Variants in EXOSC6 observed in about 807,000 individuals in gnomAD.
EXOSC6 encodes exosome complex component MTR3.
A neutral mutation model predicts 16.7 loss-of-function variants in EXOSC6; 21 were observed. The observed-to-expected ratio is 1.26, with a 90% CI of 0.89 to 1.82. The LOEUF is 1.82. EXOSC6 is among the 40% of genes most tolerant of loss of function. The pLI, the probability that EXOSC6 is intolerant of heterozygous loss-of-function variation, is 0.00. For missense variants in EXOSC6, 538 were observed against 415.7 expected, an observed-to-expected ratio of 1.29 and a Z score of -2.56; for synonymous variants, 297 against 217.1, an observed-to-expected ratio of 1.37 and a Z score of -3.24.
chr16:70,247,035 G>A lies in EXOSC6; in HGVS notation c.*4047C>T. 1 of 435,922 alleles carries A rather than the reference G, an allele frequency of 2.3e-6. No homozygotes were observed. The highest frequency in any genetic ancestry group is 4.4e-6 in the Non-Finnish European group (1 of 228,750). 27.0% of individuals were successfully genotyped at this position (435,922 alleles called of 1,614,324 possible). A position where few individuals can be genotyped will look rare whatever the true frequency, so the allele number is the denominator to read the frequency against. On this transcript the variant is annotated 3_prime_UTR_variant, in exon 1 of 1. Transcript: ENST00000435634. ...ACAAGCAAATTAGGTTATTTACTAA[G>A]TGACTACATAAAAAACTGAGTATGA... is the stretch of plus-strand genomic sequence containing the variant.
rs1959796878 is a variant in EXOSC6 at position 70,250,825 on chromosome 16, A to T, written c.*257T>A. ...AGAAAGAAACCCTGTCTCTAAAAAA[A>T]AGGTCCAGGTAATTTCAGGGTCCAG... is the stretch of plus-strand genomic sequence containing the variant. On this transcript the variant is annotated 3_prime_UTR_variant, in exon 1 of 1. Coordinates refer to ENST00000435634, the MANE Select transcript of EXOSC6 (RefSeq NM_058219.3). The T allele has an allele frequency of 1.2e-5, 5 of 403,592 alleles. No individual in the cohort carries two copies. The South Asian group carries it at 5.0e-4, about 40-fold the overall frequency. The allele number at this position is 403,592 out of a possible 1,614,324, so 25.0% of individuals were successfully genotyped here. A position where few individuals can be genotyped will look rare whatever the true frequency, so the allele number is the denominator to read the frequency against.
At position 70,248,860 on chromosome 16, in the gene EXOSC6, C is replaced by A. The variant is rs1325854337; in HGVS notation, c.*2222G>T. The stretch of plus-strand genomic sequence containing the variant: ...CAAACTCCTGGACTCAGGCGATTCA[C>A]CAGCCTCAGCCTCCCACAGTGCTGG... On this transcript the variant is annotated 3_prime_UTR_variant, in exon 1 of 1. Coordinates refer to ENST00000435634, the MANE Select transcript of EXOSC6 (RefSeq NM_058219.3). The A allele has an allele frequency of 6.8e-6, 1 of 147,464 alleles. No individual in the cohort carries two copies. The highest frequency in any genetic ancestry group is 6.8e-5 in the Admixed American group (1 of 14,638). 9.1% of individuals were successfully genotyped at this position (147,464 alleles called of 1,614,324 possible). A position where few individuals can be genotyped will look rare whatever the true frequency, so the allele number is the denominator to read the frequency against.
chr16:70,249,038 A>G lies in EXOSC6; in HGVS notation c.*2044T>C, dbSNP rs1287199804. The stretch of plus-strand genomic sequence containing the variant: ...GTAAAAAAAAAAAAAAAAAACCCTA[A>G]TATCAGATATTCCAGACACAACAAT... On this transcript the variant is annotated 3_prime_UTR_variant, in exon 1 of 1. Transcript: ENST00000435634. 3.4e-5 allele frequency: 5 copies of G among 147,724 alleles called. 1 individual carries two copies. The highest frequency in any genetic ancestry group is 2.2e-4 in the South Asian group (1 of 4,604). 9.2% of individuals were successfully genotyped at this position (147,724 alleles called of 1,614,324 possible). A position where few individuals can be genotyped will look rare whatever the true frequency, so the allele number is the denominator to read the frequency against.
chr16:70,251,676 G>C lies in EXOSC6; in HGVS notation c.225C>G (p.Gly75=). The C allele has an allele frequency of 1.6e-6, 2 of 1,237,600 alleles. No homozygotes were observed. Among genetic ancestry groups the C allele is most frequent in the Non-Finnish European group, 2.0e-6 (2 of 993,458 alleles). 76.7% of individuals were successfully genotyped at this position (1,237,600 alleles called of 1,614,324 possible). Residue 75 remains glycine, a synonymous_variant, in exon 1 of 1, where the codon GGC becomes GGG. Coordinates refer to ENST00000435634, the MANE Select transcript of EXOSC6 (RefSeq NM_058219.3). ...CTCCGGCCGGGCCGCCGCCGCGCTCGCCGCCCTCGGCCTGTCGCGGGCCCG... is the reference window on the plus strand; with the variant it reads ...CTCCGGCCGGGCCGCCGCCGCGCTCCCCGCCCTCGGCCTGTCGCGGGCCCG... The part of the protein sequence containing the change: ...AVSGPRQAEG[G]ERGGGPAGAG...
chr16:70,251,906 T>A lies in EXOSC6; in HGVS notation c.-6A>T. On this transcript the variant is annotated 5_prime_UTR_variant, in exon 1 of 1. Coordinates refer to ENST00000435634, the MANE Select transcript of EXOSC6 (RefSeq NM_058219.3). Reference sequence around the variant, plus strand: ...CGGCGGTGATCCCCAGGCATGGCGGTTCTTGGCGTGCGAACCCCTTCCGCC... The same window carrying A: ...CGGCGGTGATCCCCAGGCATGGCGGATCTTGGCGTGCGAACCCCTTCCGCC... 6.6e-7 allele frequency: 1 copy of A among 1,517,628 alleles called. No individual in the cohort carries two copies. The highest frequency in any genetic ancestry group is 8.7e-7 in the Non-Finnish European group (1 of 1,143,256). 94.0% of individuals were successfully genotyped at this position (1,517,628 alleles called of 1,614,324 possible). A position where few individuals can be genotyped will look rare whatever the true frequency, so the allele number is the denominator to read the frequency against.
chr16:70,251,576 G>A lies in EXOSC6; in HGVS notation c.325C>T (p.Arg109Trp), dbSNP rs912737642. Residue 109 changes from arginine to tryptophan, a missense_variant, in exon 1 of 1, where the codon CGG (arginine) becomes TGG (tryptophan). Physicochemically the swap from Arg to Trp is moderately radical, Grantham distance 101. Transcript: ENST00000435634. ...DFRRAPFAGR[R>W]RRAPPGGCEE... ...CAGCCGCCCGGGGGAGCGCGGCGCC[G>A]GCGGCCCGCGAAGGGTGCGCGGCGG... 1.8e-6 allele frequency: 2 copies of A among 1,099,814 alleles called. No individual in the cohort carries two copies. The highest frequency in any genetic ancestry group is 5.8e-5 in the East Asian group (1 of 17,116). 68.1% of individuals were successfully genotyped at this position (1,099,814 alleles called of 1,614,324 possible).
At position 70,250,882 on chromosome 16, in the gene EXOSC6, G is replaced by C; in HGVS notation, c.*200C>G. The C allele has an allele frequency of 1.8e-6, 1 of 555,760 alleles. No homozygotes were observed. The highest frequency in any genetic ancestry group is 4.7e-5 in the South Asian group (1 of 21,074). The allele number at this position is 555,760 out of a possible 1,614,324, so 34.4% of individuals were successfully genotyped here. Reference sequence around the variant, plus strand: ...CACAAGCGCAGCTCCAGGGGCTGTTGAGTTTTGCCTTTATCATTCCAAGTA... The same window carrying C: ...CACAAGCGCAGCTCCAGGGGCTGTTCAGTTTTGCCTTTATCATTCCAAGTA... On this transcript the variant is annotated 3_prime_UTR_variant, in exon 1 of 1. Transcript: ENST00000435634.
chr16:70,251,772 G>A lies in EXOSC6; in HGVS notation c.129C>T (p.Ala43=), dbSNP rs956832401. Residue 43 remains alanine, a synonymous_variant, in exon 1 of 1, where the codon GCC becomes GCT. Coordinates refer to ENST00000435634, the MANE Select transcript of EXOSC6 (RefSeq NM_058219.3). The part of the protein sequence containing the change: ...PTRLRPVYAR[A]GLLSQAKGSA... ...AGCCCTTGGCCTGGCTCAGCAGCCC[G>A]GCGCGCGCGTACACGGGCCGTAGCC... 4.9e-6 allele frequency: 7 copies of A among 1,442,452 alleles called. No individual in the cohort carries two copies. The highest frequency in any genetic ancestry group is 2.8e-5 in the Admixed American group (1 of 35,256). 89.4% of individuals were successfully genotyped at this position (1,442,452 alleles called of 1,614,324 possible).
At position 70,251,509 on chromosome 16, in the gene EXOSC6, T is replaced by G; in HGVS notation, c.392A>C (p.Glu131Ala). The G allele has an allele frequency of 1.6e-6, 2 of 1,275,550 alleles. No homozygotes were observed. The highest frequency in any genetic ancestry group is 2.0e-6 in the Non-Finnish European group (2 of 1,008,356). The allele number at this position is 1,275,550 out of a possible 1,614,324, so 79.0% of individuals were successfully genotyped here. Residue 131 changes from glutamate (E) to alanine (A), a missense_variant, in exon 1 of 1, where the codon GAG (glutamate) becomes GCG (alanine). Physicochemically the swap from Glu to Ala is moderately radical, Grantham distance 107. Transcript: ENST00000435634. ...ELALALQEAL[E>A]PAVRLGRYPR... ...GTAGCGGCCCAGGCGCACAGCCGGC[T>G]CCAGCGCCTCCTGCAGCGCCAGCGC... is the stretch of plus-strand genomic sequence containing the variant.
rs1959803499 is a variant in EXOSC6, at chr16:70,251,077, C to T, written c.*5G>A. ...CTTGCGTCCGTAGTTGCTCAGGCTT[C>T]TGGTTCAGGGCTGGGCGGCGGCGCC... is the stretch of plus-strand genomic sequence containing the variant. On this transcript the variant is annotated 3_prime_UTR_variant, in exon 1 of 1. Coordinates refer to ENST00000435634, the MANE Select transcript of EXOSC6 (RefSeq NM_058219.3). 2 of 1,461,612 alleles carry T rather than the reference C, an allele frequency of 1.4e-6. No homozygotes were observed. The highest frequency in any genetic ancestry group is 1.8e-6 in the Non-Finnish European group (2 of 1,119,638). The allele number at this position is 1,461,612 out of a possible 1,614,324, so 90.5% of individuals were successfully genotyped here.
In EXOSC6 at chr16:70,251,299, C is replaced by A. The variant is rs1047742206; in HGVS notation, c.602G>T (p.Arg201Leu). 3.5e-6 allele frequency: 5 copies of A among 1,419,136 alleles called. No homozygotes were observed. Among genetic ancestry groups the A allele is most frequent in the Admixed American group, 5.7e-5 (2 of 34,840 alleles). 87.9% of individuals were successfully genotyped at this position (1,419,136 alleles called of 1,614,324 possible). Residue 201 changes from arginine to leucine, a missense_variant, in exon 1 of 1, where the codon CGG becomes CTG. Arg to Leu is a moderately radical substitution (Grantham distance 102, BLOSUM62 -2). Coordinates refer to ENST00000435634, the MANE Select transcript of EXOSC6 (RefSeq NM_058219.3). ...PAPTWLLDPT[R>L]LEEERAAAGL... The stretch of plus-strand genomic sequence containing the variant: ...GGCGGCGGCGCGCTCTTCCTCGAGC[C>A]GCGTGGGGTCCAGGAGCCAGGTGGG...
chr16:70,251,157 G>A lies in EXOSC6; in HGVS notation c.744C>T (p.Cys248=), dbSNP rs777228220. The change falls in exon 1 of 1, where the codon TGC becomes TGT. Residue 248 remains cysteine (C), a synonymous_variant. Coordinates refer to ENST00000435634, the MANE Select transcript of EXOSC6 (RefSeq NM_058219.3). ...AEAVRLGLEG[C]QRLYPVLQQS... is the part of the protein sequence containing the mutation. ...GCTGCAGCACGGGGTAGAGGCGCTG[G>A]CAGCCCTCGAGGCCCAGGCGTACGG... 1 of 1,532,166 alleles carries A rather than the reference G, an allele frequency of 6.5e-7. No homozygotes were observed. The highest frequency in any genetic ancestry group is 8.7e-7 in the Non-Finnish European group (1 of 1,149,558). 94.9% of individuals were successfully genotyped at this position (1,532,166 alleles called of 1,614,324 possible). A position where few individuals can be genotyped will look rare whatever the true frequency, so the allele number is the denominator to read the frequency against.
In EXOSC6 at chr16:70,249,797, A is replaced by G. The variant is rs772794462; in HGVS notation, c.*1285T>C. On this transcript the variant is annotated 3_prime_UTR_variant, in exon 1 of 1. Coordinates refer to ENST00000435634, the MANE Select transcript of EXOSC6 (RefSeq NM_058219.3). ...AAACCCCATCTTCTCTAAAAATACA[A>G]AAAGTTAGCTGGGTGTGGTGGCAGG... 6.6e-6 allele frequency: 1 copy of G among 152,086 alleles called. No homozygotes were observed. The highest frequency in any genetic ancestry group is 1.5e-5 in the Non-Finnish European group (1 of 68,028). The allele number at this position is 152,086 out of a possible 1,614,324, so 9.4% of individuals were successfully genotyped here.
At position 70,251,694 on chromosome 16, in the gene EXOSC6, C is replaced by A; in HGVS notation, c.207G>T (p.Pro69=). The change falls in exon 1 of 1, where the codon CCG becomes CCT. Residue 69 remains proline (P), a synonymous_variant. Coordinates refer to ENST00000435634, the MANE Select transcript of EXOSC6 (RefSeq NM_058219.3). ...CGCGCTCGCCGCCCTCGGCCTGTCG[C>A]GGGCCCGACACGGCACACAGCACCT... ...GTKVLCAVSG[P]RQAEGGERGG... 7.7e-7 allele frequency: 1 copy of A among 1,292,072 alleles called. No individual in the cohort carries two copies. 80.0% of individuals were successfully genotyped at this position (1,292,072 alleles called of 1,614,324 possible). A position where few individuals can be genotyped will look rare whatever the true frequency, so the allele number is the denominator to read the frequency against.
chr16:70,251,127 G>A lies in EXOSC6; in HGVS notation c.774C>T (p.Ser258=). ...CQRLYPVLQQ[S]LVRAARRRGA... ...CCCTGCGGCGGGCGGCCCGCACCAGGCTCTGCTGCAGCACGGGGTAGAGGC... is the reference window on the plus strand; with the variant it reads ...CCCTGCGGCGGGCGGCCCGCACCAGACTCTGCTGCAGCACGGGGTAGAGGC... Residue 258 remains serine, a synonymous_variant, in exon 1 of 1, where the codon AGC becomes AGT. Coordinates refer to ENST00000435634, the MANE Select transcript of EXOSC6 (RefSeq NM_058219.3). 1 of 1,528,098 alleles carries A rather than the reference G, an allele frequency of 6.5e-7. No individual in the cohort carries two copies. Among genetic ancestry groups the A allele is most frequent in the Non-Finnish European group, 8.7e-7 (1 of 1,149,222 alleles). The allele number at this position is 1,528,098 out of a possible 1,614,324, so 94.7% of individuals were successfully genotyped here. A position where few individuals can be genotyped will look rare whatever the true frequency, so the allele number is the denominator to read the frequency against.
rs761440746 is a variant in EXOSC6 at position 70,251,372 on chromosome 16, A to C, written c.529T>G (p.Tyr177Asp). Residue 177 changes from tyrosine (Y) to aspartate (D), a missense_variant, in exon 1 of 1, where the codon TAC (tyrosine) becomes GAC (aspartate). Tyr to Asp is a radical substitution (Grantham distance 160, BLOSUM62 -3). Transcript: ENST00000435634. ...LALADAGVEM[Y>D]DLVVGCGLSL... Reference sequence around the variant, plus strand: ...AGGCCGCAGCCCACCACCAGGTCGTACATCTCCACGCCCGCGTCGGCCAGG... The same window carrying C: ...AGGCCGCAGCCCACCACCAGGTCGTCCATCTCCACGCCCGCGTCGGCCAGG... 1 of 1,377,320 alleles carries C rather than the reference A, an allele frequency of 7.3e-7. No individual in the cohort carries two copies. The highest frequency in any genetic ancestry group is 1.7e-5 in the South Asian group (1 of 59,998). 85.3% of individuals were successfully genotyped at this position (1,377,320 alleles called of 1,614,324 possible).
Position 70,248,743 on chromosome 16 carries a change from T to TACC in EXOSC6, c.*2336_*2338dup, listed in dbSNP as rs1339322781. 1.3e-5 allele frequency: 2 copies of TACC among 150,582 alleles called. No individual in the cohort carries two copies. Among genetic ancestry groups the TACC allele is most frequent in the African/African-American group, 4.9e-5 (2 of 40,946 alleles). 9.3% of individuals were successfully genotyped at this position (150,582 alleles called of 1,614,324 possible). A position where few individuals can be genotyped will look rare whatever the true frequency, so the allele number is the denominator to read the frequency against. On this transcript the variant is annotated 3_prime_UTR_variant, in exon 1 of 1. Coordinates refer to ENST00000435634, the MANE Select transcript of EXOSC6 (RefSeq NM_058219.3). ...TCAAGTAGCTGGGACTACAGGTGCA[T>TACC]ACCACCATGCCTGACTTATTTTTTT...
Position 70,247,063 on chromosome 16 carries a change from C to T in EXOSC6, c.*4019G>A, listed in dbSNP as rs1959709861. 1 of 368,836 alleles carries T rather than the reference C, an allele frequency of 2.7e-6. No homozygotes were observed. The highest frequency in any genetic ancestry group is 5.1e-6 in the Non-Finnish European group (1 of 194,968). The allele number at this position is 368,836 out of a possible 1,614,324, so 22.8% of individuals were successfully genotyped here. ...ACTACATAAAAAACTGAGTATGAGACCAAGAAAAATAGATTCTGTAGTTTT... is the reference window on the plus strand; with the variant it reads ...ACTACATAAAAAACTGAGTATGAGATCAAGAAAAATAGATTCTGTAGTTTT... On this transcript the variant is annotated 3_prime_UTR_variant, in exon 1 of 1. Transcript: ENST00000435634.
In EXOSC6 at chr16:70,251,661, G is replaced by A; in HGVS notation, c.240C>T (p.Gly80=). 1 of 1,210,700 alleles carries A rather than the reference G, an allele frequency of 8.3e-7. No individual in the cohort carries two copies. The highest frequency in any genetic ancestry group is 1.0e-6 in the Non-Finnish European group (1 of 976,274). 75.0% of individuals were successfully genotyped at this position (1,210,700 alleles called of 1,614,324 possible). A position where few individuals can be genotyped will look rare whatever the true frequency, so the allele number is the denominator to read the frequency against. Residue 80 remains glycine (G), a synonymous_variant, in exon 1 of 1, where the codon GGC becomes GGT. Coordinates refer to ENST00000435634, the MANE Select transcript of EXOSC6 (RefSeq NM_058219.3). ...GGGCCTCGCCGCCTGCTCCGGCCGG[G>A]CCGCCGCCGCGCTCGCCGCCCTCGG... ...RQAEGGERGG[G]PAGAGGEAPA... is the part of the protein sequence containing the mutation.
Sources: allele counts gnomAD v4.1 joint callset, GRCh38; gene constraint gnomAD v4.1.1; transcripts MANE v1.5; gene names NCBI Gene and HGNC (gene_info 2026-07-23, HGNC 2026-07-21).